Variants in FBXO47 observed in about 807,000 individuals in gnomAD.
The protein encoded by FBXO47 is F-box protein 47.
A neutral mutation model predicts 53.9 loss-of-function variants in FBXO47; 34 were observed. That is an observed-to-expected ratio of 0.63 (90% CI 0.48 to 0.84). FBXO47 has a LOEUF of 0.84. FBXO47 is among the 40% of genes least tolerant of loss of function. The pLI is 0.00. For missense variants in FBXO47, 485 were observed against 541.3 expected (o/e 0.90, Z 1.03); for synonymous variants, 165 against 181.6 (o/e 0.91, Z 0.73).
At chr17:38,965,052 G>A (rs1305442015) in intron 1 of FBXO47, among the ~76,000 whole-genome samples, 2 of 152,054 alleles carry the variant, frequency 1.3e-5, no homozygotes, top group African/African-American at 4.8e-5. Context: ...GTTTCACCAT[G>A]TTGGTCAGGC....
At chr17:38,955,029 G>C in intron 4 of FBXO47, 96 bp from the exon 5 acceptor site, 1 of 932,660 alleles carries the variant, frequency 1.1e-6, no homozygotes, top group Non-Finnish European at 1.6e-6. Context: ...ATGGAAATAA[G>C]CAAGAATTTT....
chr17:38,956,780 A>G (rs1406883712), intron 4 of FBXO47, among the ~76,000 whole-genome samples: 1 of 152,124 alleles, frequency 6.6e-6, no homozygotes, highest in African/African-American at 2.4e-5. Flanking sequence ...GTCATTTTAT[A>G]TATTAAAATA....
Position 38,944,991 on chromosome 17 carries a change from A to G in FBXO47, c.762T>C (p.Tyr254=). ...GAGGAGATATTGGCCCAAAGATGAT[A>G]TACAGTAATCTTGCCTGATTCACCA... ...WPMVNQARLL[Y]IIFGPISPQD... Residue 254 remains tyrosine (Y), a synonymous_variant, in exon 7 of 11, where the codon TAT becomes TAC. Transcript: ENST00000378079. 6.2e-7 allele frequency: 1 copy of G among 1,614,054 alleles called. No homozygotes were observed. Among genetic ancestry groups the G allele is most frequent in the Non-Finnish European group, 8.5e-7 (1 of 1,179,982 alleles).
intron 3 of FBXO47, among the ~76,000 whole-genome samples, chr17:38,959,302 G>A (rs1368856030): frequency 2.6e-5 from 4 of 151,912 alleles, no homozygotes; most frequent in African/African-American, 9.7e-5. Context: ...TTTATAATTG[G>A]CCGAGTACGG....
At position 38,937,251 on chromosome 17, in the gene FBXO47, A is replaced by T. The variant is rs768564831; in HGVS notation, c.1283T>A (p.Phe428Tyr). The T allele has an allele frequency of 6.2e-7, 1 of 1,610,216 alleles. No individual in the cohort carries two copies. The highest frequency in any genetic ancestry group is 8.5e-7 in the Non-Finnish European group (1 of 1,177,286). Residue 428 changes from phenylalanine to tyrosine, a missense_variant, in exon 11 of 11, where the codon TTC (phenylalanine) becomes TAC (tyrosine). Transcript: ENST00000378079. ...GTTAGCCTGAGCATGTACAAGATGG[A>T]ACAAATTCAAAAAGCTTCTGTCATC... Reference protein sequence around the residue: ...DEDDRSFLNLFHLVHAQANFH... With the variant: ...DEDDRSFLNLYHLVHAQANFH...
intron 4 of FBXO47, among the ~76,000 whole-genome samples, chr17:38,955,488 G>C (rs1407707808): frequency 6.6e-6 from 1 of 151,056 alleles, no homozygotes; most frequent in African/African-American, 2.4e-5. Context: ...CTGTCACCCA[G>C]GCTGGAGTGC....
intron 6 of FBXO47, among the ~76,000 whole-genome samples, chr17:38,946,171 TA>T (rs1355684287): frequency 1.8e-5 from 2 of 112,792 alleles, no homozygotes; most frequent in Non-Finnish European, 3.3e-5. Context: ...TATAAATATA[TA>T]AAAATATATA....
intron 6 of FBXO47, among the ~76,000 whole-genome samples, chr17:38,946,038 AAT>A (rs1217701043): frequency 6.8e-5 from 9 of 132,972 alleles, no homozygotes; most frequent in Admixed American, 1.7e-4. Context: ...AATATATATA[AAT>A]ATATATAAAA....
intron 1 of FBXO47, among the ~76,000 whole-genome samples, chr17:38,965,686 A>C (rs1050039779): frequency 1.4e-5 from 2 of 143,764 alleles, no homozygotes; most frequent in Admixed American, 7.0e-5. Context: ...ATCCTGGCTA[A>C]CACGGTGAAA....
chr17:38,964,946 T>C (rs1260159934), intron 1 of FBXO47, among the ~76,000 whole-genome samples: 1 of 151,930 alleles, frequency 6.6e-6, no homozygotes, highest in Non-Finnish European at 1.5e-5. Flanking sequence ...GCCTCCCAAG[T>C]AGCTGGGATT....
At chr17:38,946,157 AATATATAAATATATAAAAAT>A (rs1338647131) in intron 6 of FBXO47, among the ~76,000 whole-genome samples, 117 of 112,544 alleles carry the variant, frequency 1.0e-3, no homozygotes, top group South Asian at 8.7e-3. Context: ...AATACATAAA[AATATATAAATATATAAAAAT>A]ATATATAAAT....
chr17:38,962,129 G>T, intron 2 of FBXO47, 82 bp from the exon 3 acceptor site: 1 of 1,097,602 alleles, frequency 9.1e-7, no homozygotes, highest in Non-Finnish European at 1.3e-6. Context: ...TTAACTTATA[G>T]GTTAACTCAA....
At chr17:38,941,620 T>TTATATATATATATATATATATATATATA (rs3040090) in intron 9 of FBXO47, among the ~76,000 whole-genome samples, 1 of 115,184 alleles carries the variant, frequency 8.7e-6, no homozygotes, top group Non-Finnish European at 1.8e-5. Flanking sequence ...AAATATAATA[T>TTATATATATATATATATATATATATATA]TATATATATA....
intron 8 of FBXO47, 65 bp from the exon 9 acceptor site, chr17:38,942,985 A>G: frequency 7.9e-7 from 1 of 1,264,772 alleles, no homozygotes; most frequent in Non-Finnish European, 1.1e-6. Flanking sequence ...AAATACCATT[A>G]AGTACATGCA....
intron 5 of FBXO47, among the ~76,000 whole-genome samples, chr17:38,952,909 C>T (rs1905369022): frequency 6.7e-6 from 1 of 149,552 alleles, no homozygotes; most frequent in Admixed American, 6.7e-5. Flanking sequence ...CTGCATCAGC[C>T]TCCCAAAGTG....
chr17:38,941,588 T>C (rs1904504852), intron 9 of FBXO47, among the ~76,000 whole-genome samples: 1 of 141,174 alleles, frequency 7.1e-6, no homozygotes, highest in South Asian at 2.4e-4. Flanking sequence ...CAATACAAAT[T>C]TGTGTTAAAT....
At position 38,967,321 on chromosome 17, in the gene FBXO47, A is replaced by T. The variant is rs1037474034; in HGVS notation, c.-119T>A. ...CATCCTCAAATTTCTTAGTGTTTAG[A>T]AAAGAAAATATCTCCTCAAGAGCTT... On this transcript the variant is annotated 5_prime_UTR_variant, in exon 1 of 11. Transcript: ENST00000378079. 2 of 152,150 alleles carry T rather than the reference A, an allele frequency of 1.3e-5. No individual in the cohort carries two copies. The highest frequency in any genetic ancestry group is 2.9e-5 in the Non-Finnish European group (2 of 68,034). 9.4% of individuals were successfully genotyped at this position (152,150 alleles called of 1,614,324 possible). A position where few individuals can be genotyped will look rare whatever the true frequency, so the allele number is the denominator to read the frequency against.
chr17:38,959,981 T>C (rs781250711), intron 3 of FBXO47, among the ~76,000 whole-genome samples: 2 of 151,992 alleles, frequency 1.3e-5, no homozygotes, highest in Non-Finnish European at 2.9e-5. Flanking sequence ...AATTTTTTAA[T>C]TTTTTGTATA....
chr17:38,944,209 G>A (rs1904639718), intron 7 of FBXO47, among the ~76,000 whole-genome samples: 1 of 150,278 alleles, frequency 6.7e-6, no homozygotes, highest in Non-Finnish European at 1.5e-5. Flanking sequence ...GTGTGTGTGT[G>A]TGTGTGTGTG....
Sources: allele counts gnomAD v4.1 joint callset (sites outside exome capture counted in the v4.1 genomes callset), GRCh38; gene constraint gnomAD v4.1.1; transcripts MANE v1.5; gene names NCBI Gene and HGNC (gene_info 2026-07-23, HGNC 2026-07-21).